The following HMOX1 variants were observed in gnomAD, a reference collection of about 807,000 sequenced individuals.
The protein encoded by HMOX1 is heat shock protein, 32-kD.
A neutral mutation model predicts 27.8 loss-of-function variants in HMOX1; 22 were observed. That is an observed-to-expected ratio of 0.79 (90% confidence interval 0.57 to 1.13). The LOEUF (loss-of-function observed/expected upper bound fraction) is 1.13, where lower values mean the gene tolerates loss of function less well. HMOX1 is among the 50% of genes most tolerant of loss of function. HMOX1 has a pLI of 0.00. For missense variants in HMOX1, 379 were observed against 377.7 expected (o/e 1.00, Z -0.03); for synonymous variants, 153 against 151.6 (o/e 1.01, Z -0.07).
Position 35,387,151 on chromosome 22 carries a change from A to G in HMOX1, c.611A>G (p.Lys204Arg). The G allele has an allele frequency of 6.2e-7, 1 of 1,613,558 alleles. No individual in the cohort carries two copies. The highest frequency in any genetic ancestry group is 1.7e-5 in the Admixed American group (1 of 60,036). Residue 204 changes from lysine to arginine, a missense_variant, in exon 3 of 5, where the codon AAG becomes AGG. Transcript: ENST00000216117. Reference sequence around the variant, plus strand: ...AGGCAGAGGGTGATAGAAGAGGCCAAGACTGCGTTCCTGCTCAACATCCAG... The same window carrying G: ...AGGCAGAGGGTGATAGAAGAGGCCAGGACTGCGTTCCTGCTCAACATCCAG... The part of the protein sequence containing the change: ...AVRQRVIEEA[K>R]TAFLLNIQLF...
At position 35,381,550 on chromosome 22, in the gene HMOX1, G is replaced by A. The variant is rs1931388782; in HGVS notation, c.23+354G>A. ...TCTCTGGGGCTCTGCCAGCCTGGGG[G>A]AGCATGCTTGGTTCTCTTGGTGGCA... On this transcript the variant is annotated intron_variant, in intron 1 of 4. Coordinates refer to ENST00000216117, the MANE Select transcript of HMOX1 (RefSeq NM_002133.3). Among the ~76,000 whole-genome samples the A allele has an allele frequency of 2.0e-5, 3 of 152,026 alleles. No individual in the cohort carries two copies. The South Asian group carries it at 6.2e-4, about 32-fold the overall frequency.
chr22:35,393,834 C>T lies in HMOX1; in HGVS notation c.*236C>T. The T allele has an allele frequency of 1.9e-6, 1 of 520,850 alleles. No homozygotes were observed. The highest frequency in any genetic ancestry group is 1.9e-5 in the South Asian group (1 of 51,720). 32.3% of individuals were successfully genotyped at this position (520,850 alleles called of 1,614,324 possible). A position where few individuals can be genotyped will look rare whatever the true frequency, so the allele number is the denominator to read the frequency against. On this transcript the variant is annotated 3_prime_UTR_variant, in exon 5 of 5. Coordinates refer to ENST00000216117, the MANE Select transcript of HMOX1 (RefSeq NM_002133.3). ...TTCAGAGGGGGCGAAGGGATCAGCC[C>T]TGCCCTTCAGCATCCTCAGTTCCTG...
At chr22:35,383,041 T>C in intron 1 of HMOX1, 65 bp from the exon 2 acceptor site, 2 of 1,603,484 alleles carry the variant, frequency 1.2e-6, no homozygotes, top group Middle Eastern at 1.7e-4. Flanking sequence ...GGTGGGAGGC[T>C]CAGCAGTTGG....
chr22:35,388,241 A>G (rs974566959), intron 3 of HMOX1, among the ~76,000 whole-genome samples: 1 of 152,200 alleles, frequency 6.6e-6, no homozygotes, highest in Non-Finnish European at 1.5e-5. Context: ...GCTTGAGCCC[A>G]GGAGTTTGAG....
chr22:35,390,635 C>T (rs1388783600), intron 4 of HMOX1, among the ~76,000 whole-genome samples: 2 of 152,180 alleles, frequency 1.3e-5, no homozygotes, highest in East Asian at 3.8e-4. Flanking sequence ...ACCTCAGTTT[C>T]CCCACCCGTA....
rs2071747 is a variant in HMOX1 at position 35,381,192 on chromosome 22, G to C, written c.19G>C (p.Asp7His). 78,758 of 1,547,162 alleles carry C rather than the reference G, an allele frequency of 0.051. 2,219 individuals are homozygous for C. Among genetic ancestry groups the C allele is most frequent in the East Asian group, 0.07 (2,942 of 41,792 alleles). Residue 7 changes from aspartate (D) to histidine (H), a missense_variant, in exon 1 of 5, where the codon GAC (aspartate) becomes CAC (histidine). Transcript: ENST00000216117. Reference sequence around the variant, plus strand: ...CGGCCGGATGGAGCGTCCGCAACCCGACAGGCAAGCGCGGGGCGCGGGACG... The same window carrying C: ...CGGCCGGATGGAGCGTCCGCAACCCCACAGGCAAGCGCGGGGCGCGGGACG... MERPQPDSMPQDLSEAL... is the reference protein window; with the variant it reads MERPQPHSMPQDLSEAL...
intron 3 of HMOX1, among the ~76,000 whole-genome samples, chr22:35,387,719 G>T (rs5755715): frequency 1.3e-5 from 2 of 152,250 alleles, no homozygotes; most frequent in African/African-American, 4.8e-5. Context: ...TTCTTGGGCA[G>T]AGGTGGAGGG....
intron 4 of HMOX1, among the ~76,000 whole-genome samples, chr22:35,391,519 C>T (rs534587311): frequency 1.3e-5 from 2 of 150,700 alleles, no homozygotes; most frequent in Non-Finnish European, 2.9e-5. Context: ...GATCTCCTGA[C>T]CTTGTGATCC....
intron 4 of HMOX1, among the ~76,000 whole-genome samples, chr22:35,391,585 CCTTTT>C (rs1931723169): frequency 4.4e-5 from 5 of 112,484 alleles, no homozygotes; most frequent in South Asian, 2.9e-4. Flanking sequence ...CCGCGCCCGG[CCTTTT>C]TTTTTTTTTT....
At chr22:35,381,626 C>A (rs1479478208) in intron 1 of HMOX1, among the ~76,000 whole-genome samples, 3 of 152,052 alleles carry the variant, frequency 2.0e-5, no homozygotes, top group African/African-American at 7.2e-5. Context: ...ACCCTGGCTG[C>A]GGTGTTCCAT....
intron 2 of HMOX1, 85 bp from the exon 3 acceptor site, chr22:35,386,600 T>C: frequency 6.3e-7 from 1 of 1,583,606 alleles, no homozygotes; most frequent in Non-Finnish European, 8.6e-7. Context: ...GAGGAGGGCC[T>C]TTCCAAAGGC....
intron 4 of HMOX1, among the ~76,000 whole-genome samples, chr22:35,390,535 G>A (rs1172989673): frequency 1.3e-5 from 2 of 152,098 alleles, no homozygotes; most frequent in Non-Finnish European, 2.9e-5. Context: ...GGCCACCTGC[G>A]TGTTTTTGTA....
intron 3 of HMOX1, among the ~76,000 whole-genome samples, chr22:35,388,459 A>G (rs112030529): frequency 4.0e-5 from 6 of 151,648 alleles, no homozygotes; most frequent in African/African-American, 1.5e-4. Context: ...CTCTGTCTCA[A>G]AAACCAAAAA....
chr22:35,393,628 A>C lies in HMOX1; in HGVS notation c.*30A>C. ...AGGCATGCTGGCTCCCAGGGCCATG[A>C]ACTTTGTCCGGTGGAAGGCCTTCTT... On this transcript the variant is annotated 3_prime_UTR_variant, in exon 5 of 5. Coordinates refer to ENST00000216117, the MANE Select transcript of HMOX1 (RefSeq NM_002133.3). The C allele has an allele frequency of 1.2e-6, 2 of 1,613,764 alleles. No individual in the cohort carries two copies. The highest frequency in any genetic ancestry group is 1.7e-6 in the Non-Finnish European group (2 of 1,179,782).
rs1569057355 is a variant in HMOX1, at chr22:35,389,321, T to C, written c.637-543T>C. ...CTTCTTTCTTTCTTTCTTTCTTTCT[T>C]CTTTCTTTCTTTCTTTCTTCTCCTT... On this transcript the variant is annotated intron_variant, in intron 3 of 4. Coordinates refer to ENST00000216117, the MANE Select transcript of HMOX1 (RefSeq NM_002133.3). Among the ~76,000 whole-genome samples, 20 of 105,478 alleles carry C rather than the reference T, an allele frequency of 1.9e-4. 1 individual carries two copies. The highest frequency in any genetic ancestry group is 8.1e-4 in the African/African-American group (16 of 19,752). 69.2% of individuals were successfully genotyped at this position (105,478 alleles called of 152,430 possible).
intron 1 of HMOX1, among the ~76,000 whole-genome samples, chr22:35,382,695 G>T (rs1328280538): frequency 2.0e-5 from 3 of 149,454 alleles, no homozygotes; most frequent in Non-Finnish European, 4.4e-5. Context: ...TTTTGAGATG[G>T]AGTCTCTCTG....
chr22:35,381,623 C>T (rs529209465), intron 1 of HMOX1, among the ~76,000 whole-genome samples: 2 of 152,240 alleles, frequency 1.3e-5, no homozygotes, highest in African/African-American at 4.8e-5. Context: ...ATCACCCTGG[C>T]TGCGGTGTTC....
intron 3 of HMOX1, among the ~76,000 whole-genome samples, chr22:35,389,140 ATTG>A (rs1024797904): frequency 6.6e-6 from 1 of 152,046 alleles, no homozygotes; most frequent in African/African-American, 2.4e-5. Flanking sequence ...AGGGGAGCCA[ATTG>A]GGCTTGGAAC....
chr22:35,392,148 C>T (rs1931738520), intron 4 of HMOX1, among the ~76,000 whole-genome samples: 1 of 146,906 alleles, frequency 6.8e-6, no homozygotes. Context: ...CTCCTAAGTC[C>T]GGGAGGCAGA....
Sources: allele counts gnomAD v4.1 joint callset (sites outside exome capture counted in the v4.1 genomes callset), GRCh38; gene constraint gnomAD v4.1.1; transcripts MANE v1.5; gene names NCBI Gene and HGNC (gene_info 2026-07-23, HGNC 2026-07-21).